The following TTF2 variants were observed in gnomAD, a reference collection of about 807,000 sequenced individuals.
The protein encoded by TTF2 is transcription termination factor 2, also known as RNA polymerase II termination factor.
In TTF2, 108 loss-of-function variants were observed where a neutral mutation model predicts 142.4. The ratio of observed to expected loss-of-function variants is 0.76; its 90% CI spans 0.65 to 0.89. The LOEUF (loss-of-function observed/expected upper bound fraction) is 0.89. Ranked by LOEUF, TTF2 falls within the 40% of genes least tolerant of loss-of-function variation. The pLI, the probability that TTF2 is intolerant of heterozygous loss-of-function variation, is 0.00. For synonymous variants in TTF2, 483 were observed against 506.2 expected (o/e 0.95, Z 0.61); for missense variants, 1,327 against 1,379.8 (o/e 0.96, Z 0.61).
In TTF2 at chr1:117,076,946, A is replaced by G; in HGVS notation, c.1573+123A>G. On this transcript the variant is annotated intron_variant, in intron 7 of 22. Coordinates refer to ENST00000369466, the MANE Select transcript of TTF2 (RefSeq NM_003594.4). The surrounding 1 kb of genome is among the most constrained non-coding windows in gnomAD (Gnocchi z 4.6). Reference sequence around the variant, plus strand: ...CCTTAGTCACCTGTGGTTCAAAAAAAGGTGAGTACAGTACAGTAAGATATT... The same window carrying G: ...CCTTAGTCACCTGTGGTTCAAAAAAGGGTGAGTACAGTACAGTAAGATATT... 1 of 793,526 alleles carries G rather than the reference A, an allele frequency of 1.3e-6. No individual in the cohort carries two copies. The highest frequency in any genetic ancestry group is 1.9e-6 in the Non-Finnish European group (1 of 518,824). 49.2% of individuals were successfully genotyped at this position (793,526 alleles called of 1,614,324 possible).
chr1:117,101,412 T>G lies in TTF2; in HGVS notation c.3377T>G (p.Ile1126Ser). ...FVCEGTVEEK[I>S]LQLQEKKKDL... ...TGTGAGGGAACAGTAGAAGAAAAGA[T>G]CTTACAGCTCCAAGAAAAAAAGAAA... is the stretch of plus-strand genomic sequence containing the variant. The change falls in exon 23 of 23, where the codon ATC becomes AGC. Residue 1126 changes from isoleucine (I) to serine (S), a missense_variant. Physicochemically the swap from Ile to Ser is moderately radical, Grantham distance 142. Coordinates refer to ENST00000369466, the MANE Select transcript of TTF2 (RefSeq NM_003594.4). This position sits in a 1 kb window ranked among gnomAD's most constrained non-coding sequence, Gnocchi z 5.9. 1 of 1,604,330 alleles carries G rather than the reference T, an allele frequency of 6.2e-7. No individual in the cohort carries two copies. Among genetic ancestry groups the G allele is most frequent in the Non-Finnish European group, 8.5e-7 (1 of 1,177,752 alleles).
intron 10 of TTF2, among the ~76,000 whole-genome samples, chr1:117,083,801 G>C (rs550614003): frequency 6.6e-6 from 1 of 152,294 alleles, no homozygotes; most frequent in African/African-American, 2.4e-5. Flanking sequence ...AGTCAGTCAA[G>C]AGGAAGAGGT....
In TTF2 at chr1:117,107,187, T is replaced by G. The variant is rs1650006658; in HGVS notation, c.*5663T>G. ...TTGATCACTGACTCTGCCAGGTCTT[T>G]CAGCAGGCAAGACAGCTCAGTTAAA... On this transcript the variant is annotated 3_prime_UTR_variant, in exon 23 of 23. Coordinates refer to ENST00000369466, the MANE Select transcript of TTF2 (RefSeq NM_003594.4). 1 of 152,192 alleles carries G rather than the reference T, an allele frequency of 6.6e-6. No individual in the cohort carries two copies. The highest frequency in any genetic ancestry group is 1.5e-5 in the Non-Finnish European group (1 of 68,034). The allele number at this position is 152,192 out of a possible 1,614,324, so 9.4% of individuals were successfully genotyped here. A position where few individuals can be genotyped will look rare whatever the true frequency, so the allele number is the denominator to read the frequency against.
chr1:117,069,624 C>A (rs1401940648), intron 3 of TTF2, among the ~76,000 whole-genome samples: 1 of 152,136 alleles, frequency 6.6e-6, no homozygotes, highest in East Asian at 1.9e-4. Flanking sequence ...TATCATTTTG[C>A]CATTTTACAG....
At chr1:117,088,524 G>C (rs564966252) in intron 12 of TTF2, among the ~76,000 whole-genome samples, 4 of 151,660 alleles carry the variant, frequency 2.6e-5, no homozygotes, top group Admixed American at 6.6e-5. Flanking sequence ...GCGACGGAGC[G>C]AGACTCCCAT....
intron 11 of TTF2, among the ~76,000 whole-genome samples, chr1:117,084,628 C>T (rs1367372359): frequency 6.6e-6 from 1 of 152,156 alleles, no homozygotes; most frequent in African/African-American, 2.4e-5. Context: ...ATGCTTTAGA[C>T]TCAATAATTT....
chr1:117,070,347 C>G lies in TTF2; in HGVS notation c.219-3314C>G, dbSNP rs1224986252. Among the ~76,000 whole-genome samples, 20 of 152,196 alleles carry G rather than the reference C, an allele frequency of 1.3e-4. 1 individual carries two copies. The highest frequency in any genetic ancestry group is 1.3e-3 in the Admixed American group (20 of 15,284). ...CCTACTTGGTATAGCCTAATACATA[C>G]CTAGGTTACAGAACTGTACAGTGTG... On this transcript the variant is annotated intron_variant, in intron 3 of 22. Coordinates refer to ENST00000369466, the MANE Select transcript of TTF2 (RefSeq NM_003594.4). The surrounding 1 kb of genome is among the most constrained non-coding windows in gnomAD (Gnocchi z 4.2).
intron 3 of TTF2, among the ~76,000 whole-genome samples, chr1:117,065,513 G>A (rs1656023743): frequency 6.6e-6 from 1 of 152,150 alleles, no homozygotes; most frequent in African/African-American, 2.4e-5. Flanking sequence ...CAGGAGAATG[G>A]CGTGAACCCG....
In TTF2 at chr1:117,096,301, T is replaced by G; in HGVS notation, c.3186+2T>G. On this transcript the variant is annotated splice_donor_variant, in intron 20 of 22. Transcript: ENST00000369466. LOFTEE classifies it high-confidence loss of function. ...TTTAACCACTCCAGAGGCCCTCAGG[T>G]ACAAGCTGGTCACATCAGAGCCGCA... 6.2e-7 allele frequency: 1 copy of G among 1,614,012 alleles called. No individual in the cohort carries two copies. Among genetic ancestry groups the G allele is most frequent in the Non-Finnish European group, 8.5e-7 (1 of 1,179,960 alleles).
chr1:117,101,510 C>A lies in TTF2; in HGVS notation c.3475C>A (p.Leu1159Ile). The A allele has an allele frequency of 6.3e-7, 1 of 1,591,046 alleles. No individual in the cohort carries two copies. The highest frequency in any genetic ancestry group is 8.5e-7 in the Non-Finnish European group (1 of 1,174,188). Residue 1159 changes from leucine to isoleucine, a missense_variant, in exon 23 of 23, where the codon CTT becomes ATT. Leu to Ile is a conservative substitution (Grantham distance 5, BLOSUM62 2). Transcript: ENST00000369466. This position sits in a 1 kb window ranked among gnomAD's most constrained non-coding sequence, Gnocchi z 5.9. ...GCTCACCTTGGCTGACCTCAGAGTC[C>A]TTTTTGGCATCTAACCTCCTGTGGA... ...TKLTLADLRVLFGI is the reference protein window; with the variant it reads ...TKLTLADLRVIFGI
chr1:117,089,872 ATTGACTTACATCCTT>A (rs1648411642), intron 13 of TTF2, among the ~76,000 whole-genome samples, 168 bp from the exon 14 acceptor site: 1 of 152,172 alleles, frequency 6.6e-6, no homozygotes, highest in African/African-American at 2.4e-5. Context: ...TGGTTTTGTT[ATTGACTTACATCCTT>A]TTGATCTGTC....
At position 117,090,262 on chromosome 1, in the gene TTF2, G is replaced by A; in HGVS notation, c.2496+54G>A. On this transcript the variant is annotated intron_variant, in intron 14 of 22. Coordinates refer to ENST00000369466, the MANE Select transcript of TTF2 (RefSeq NM_003594.4). This position sits in a 1 kb window ranked among gnomAD's most constrained non-coding sequence, Gnocchi z 4.8. ...GAGGCCAGGGAAGGAACATGACTGT[G>A]TCCTTGTCTTGGGTTGAACAGCCAT... is the stretch of plus-strand genomic sequence containing the variant. 1.3e-6 allele frequency: 2 copies of A among 1,584,716 alleles called. No homozygotes were observed. The highest frequency in any genetic ancestry group is 2.2e-5 in the East Asian group (1 of 44,638).
chr1:117,090,026 C>T lies in TTF2; in HGVS notation c.2343-29C>T. ...ATTCTCCCTGACTTTTCCTTCCCTA[C>T]TCTGTGCCCTTCTTCCTCAACAAAA... On this transcript the variant is annotated intron_variant, in intron 13 of 22. Transcript: ENST00000369466. This position sits in a 1 kb window ranked among gnomAD's most constrained non-coding sequence, Gnocchi z 4.8. The T allele has an allele frequency of 1.2e-6, 2 of 1,607,236 alleles. No homozygotes were observed. The highest frequency in any genetic ancestry group is 1.3e-5 in the African/African-American group (1 of 74,816).
rs1295809899 is a variant in TTF2, at chr1:117,097,137, TCA to T, written c.3187-203_3187-202del. Reference sequence around the variant, plus strand: ...ACTCAGTTAATTTTTTGAGGTTGACTCACACACACACAAAATGTGATGTGAGA... The same window carrying T: ...ACTCAGTTAATTTTTTGAGGTTGACTCACACACACAAAATGTGATGTGAGA... On this transcript the variant is annotated intron_variant, in intron 20 of 22. Coordinates refer to ENST00000369466, the MANE Select transcript of TTF2 (RefSeq NM_003594.4). This position sits in a 1 kb window ranked among gnomAD's most constrained non-coding sequence, Gnocchi z 4.1. Among the ~76,000 whole-genome samples the T allele has an allele frequency of 6.6e-6, 1 of 151,934 alleles. No homozygotes were observed. Among genetic ancestry groups the T allele is most frequent in the Admixed American group, 6.6e-5 (1 of 15,244 alleles).
At chr1:117,083,961 A>C in intron 10 of TTF2, 57 bp from the exon 11 acceptor site, 8 of 1,598,228 alleles carry the variant, frequency 5.0e-6, no homozygotes, top group Non-Finnish European at 6.8e-6. Flanking sequence ...TTAAAAAAGA[A>C]AAGTTAAAAG....
Position 117,097,495 on chromosome 1 carries a change from G to A in TTF2, c.3269+62G>A, listed in dbSNP as rs1649256131. ...CATCAAGGAGGCCAGTGGGCTACAG[G>A]GGCAGCAAGAACTGACTTCTTATGT... On this transcript the variant is annotated intron_variant, in intron 21 of 22. Transcript: ENST00000369466. The surrounding 1 kb of genome is among the most constrained non-coding windows in gnomAD (Gnocchi z 4.1). The A allele has an allele frequency of 6.7e-7, 1 of 1,490,184 alleles. No individual in the cohort carries two copies. The highest frequency in any genetic ancestry group is 9.4e-7 in the Non-Finnish European group (1 of 1,067,190). 92.3% of individuals were successfully genotyped at this position (1,490,184 alleles called of 1,614,324 possible).
rs1428258591 is a variant in TTF2, at chr1:117,102,427, T to TG, written c.*903_*904insG. Reference sequence around the variant, plus strand: ...TTTGTACATGAACAGATGCTGAGTATCTGTTATCATTGTATTGTTTAGTGT... The same window carrying TG: ...TTTGTACATGAACAGATGCTGAGTATGCTGTTATCATTGTATTGTTTAGTGT... On this transcript the variant is annotated 3_prime_UTR_variant, in exon 23 of 23. Transcript: ENST00000369466. 6.6e-6 allele frequency: 1 copy of TG among 152,226 alleles called. No homozygotes were observed. Among genetic ancestry groups the TG allele is most frequent in the Non-Finnish European group, 1.5e-5 (1 of 68,046 alleles). 9.4% of individuals were successfully genotyped at this position (152,226 alleles called of 1,614,324 possible). A position where few individuals can be genotyped will look rare whatever the true frequency, so the allele number is the denominator to read the frequency against.
In TTF2 at chr1:117,076,772, C is replaced by T. The variant is rs759913576; in HGVS notation, c.1522C>T (p.Leu508=). The change falls in exon 7 of 23, where the codon CTA becomes TTA. Residue 508 remains leucine, a synonymous_variant. Transcript: ENST00000369466. This position sits in a 1 kb window ranked among gnomAD's most constrained non-coding sequence, Gnocchi z 4.6. The part of the protein sequence containing the change: ...RGTQPVGSLE[L]KSACQVTAGG... ...TACCCAACCTGTGGGTTCTCTAGAA[C>T]TAAAGTCTGCCTGCCAGGTGACTGC... is the stretch of plus-strand genomic sequence containing the variant. The T allele has an allele frequency of 5.6e-6, 9 of 1,614,116 alleles. No individual in the cohort carries two copies. The highest frequency in any genetic ancestry group is 6.8e-6 in the Non-Finnish European group (8 of 1,179,994).
intron 19 of TTF2, 30 bp from the exon 20 acceptor site, chr1:117,096,119 G>T: frequency 6.2e-7 from 1 of 1,612,624 alleles, no homozygotes; most frequent in Non-Finnish European, 8.5e-7. Flanking sequence ...TCTATGTTAG[G>T]GTATTTTTTT....
Sources: gnomAD v4.1 joint callset for allele counts (sites outside exome capture counted in the v4.1 genomes callset) on GRCh38, gnomAD v4.1.1 for gene constraint, Gnocchi (gnomAD v3.1) non-coding constraint, MANE v1.5 for transcripts, NCBI Gene and HGNC (gene_info 2026-07-23, HGNC 2026-07-21) for gene names.